The following CAST variants were observed in gnomAD, a reference collection of about 807,000 sequenced individuals.
CAST encodes the protein MIR583 host.
CAST carries 76 observed loss-of-function variants against 119.6 expected under a neutral mutation model. That is an observed-to-expected ratio of 0.64 (90% CI 0.53 to 0.77). CAST has a LOEUF of 0.77. Ranked by LOEUF, CAST falls within the 30% of genes least tolerant of loss-of-function variation. The pLI, the probability that CAST is intolerant of heterozygous loss-of-function variation, is 0.00. For missense variants in CAST, 953 were observed against 946.5 expected (o/e 1.01, Z -0.09); for synonymous variants, 319 against 331.6 (o/e 0.96, Z 0.41).
chr5:96,068,475 C>G, the CAST span, among the ~76,000 whole-genome samples: 3 of 152,012 alleles, frequency 2.0e-5, no homozygotes, highest in East Asian at 5.8e-4. Flanking sequence ...ATATTCCCTT[C>G]CAGCTCCATC....
At chr5:95,974,936 C>G in the CAST span, among the ~76,000 whole-genome samples, 6 of 152,228 alleles carry the variant, frequency 3.9e-5, no homozygotes, top group Admixed American at 2.0e-4. Context: ...CAATTTTCAG[C>G]AGTTGCACAT....
the CAST span, among the ~76,000 whole-genome samples, chr5:96,226,299 C>G: frequency 6.6e-6 from 1 of 152,096 alleles, no homozygotes; most frequent in Non-Finnish European, 1.5e-5. Flanking sequence ...TACCAATGAA[C>G]AGTAGGAACT....
At chr5:95,981,602 G>A in the CAST span, among the ~76,000 whole-genome samples, 5 of 152,188 alleles carry the variant, frequency 3.3e-5, no homozygotes, top group African/African-American at 1.2e-4. Context: ...GTGGCCCAGC[G>A]CAGTGGCTCA....
At chr5:96,271,008 AATG>A in the CAST span, among the ~76,000 whole-genome samples, 47,782 of 151,832 alleles carry the variant, frequency 0.31, 7,796 homozygotes, top group Admixed American at 0.41. Flanking sequence ...ATTTAAAAAA[AATG>A]AAGAAAGCAA....
chr5:96,662,325 C>CG, upstream of CAST: 1 of 711,424 alleles, frequency 1.4e-6, no homozygotes, highest in Non-Finnish European at 2.0e-6. Flanking sequence ...CCTCCGCTCC[C>CG]TCCCTCCCTC....
intron 1 of CAST, among the ~76,000 whole-genome samples, chr5:96,611,170 C>A (rs1356537099): frequency 6.6e-6 from 1 of 151,966 alleles, no homozygotes; most frequent in Non-Finnish European, 1.5e-5. Context: ...CATATGGAAC[C>A]AACAGAGTCA....
the CAST span, among the ~76,000 whole-genome samples, chr5:96,073,986 CTATT>C: frequency 6.6e-6 from 1 of 152,172 alleles, no homozygotes; most frequent in African/African-American, 2.4e-5. Flanking sequence ...TGCTGTGAAA[CTATT>C]CATCAAGGTT....
chr5:96,465,311 T>C, the CAST span, among the ~76,000 whole-genome samples: 1 of 152,052 alleles, frequency 6.6e-6, no homozygotes, highest in South Asian at 2.1e-4. Flanking sequence ...CTGTGGATTC[T>C]TTAGATTTTT....
the CAST span, among the ~76,000 whole-genome samples, chr5:96,244,733 C>T: frequency 3.9e-5 from 6 of 152,290 alleles, no homozygotes; most frequent in South Asian, 1.2e-3. Context: ...AACACATTTT[C>T]ATTTTCTTAA....
the CAST span, among the ~76,000 whole-genome samples, chr5:96,253,602 T>C: frequency 3.3e-5 from 5 of 152,218 alleles, no homozygotes; most frequent in African/African-American, 9.6e-5. Flanking sequence ...TGACAAAGTG[T>C]AATGAAGACT....
the CAST span, among the ~76,000 whole-genome samples, chr5:96,434,898 G>A: frequency 6.6e-6 from 1 of 152,206 alleles, no homozygotes; most frequent in Admixed American, 6.5e-5. Context: ...ATGTTAATAA[G>A]CCATGTGACA....
At chr5:96,409,985 A>G in the CAST span, among the ~76,000 whole-genome samples, 1 of 152,166 alleles carries the variant, frequency 6.6e-6, no homozygotes, top group Non-Finnish European at 1.5e-5. Context: ...CCCACCCTCT[A>G]ATTAGATCAT....
chr5:96,360,279 C>A, the CAST span, among the ~76,000 whole-genome samples: 22 of 152,004 alleles, frequency 1.4e-4, no homozygotes, highest in Non-Finnish European at 2.6e-4. Flanking sequence ...TGGGTTAGAA[C>A]ATGCTCCTTT....
At chr5:96,219,705 G>C in the CAST span, among the ~76,000 whole-genome samples, 1 of 151,568 alleles carries the variant, frequency 6.6e-6, no homozygotes, top group Non-Finnish European at 1.5e-5. Context: ...AGGAAGGAAA[G>C]GAGGGAGGGA....
intron 3 of CAST, among the ~76,000 whole-genome samples, chr5:96,704,158 G>A (rs1264759028): frequency 6.6e-6 from 1 of 152,226 alleles, no homozygotes; most frequent in East Asian, 1.9e-4. Flanking sequence ...GACTCCTGGT[G>A]TCTATTACGA....
At chr5:96,626,605 G>A (rs1367909072) in intron 1 of CAST, among the ~76,000 whole-genome samples, 2 of 152,124 alleles carry the variant, frequency 1.3e-5, no homozygotes, top group Non-Finnish European at 2.9e-5. Context: ...TTATTGTCAG[G>A]GTCAGAGCCC....
the CAST span, among the ~76,000 whole-genome samples, chr5:96,404,421 G>A: frequency 6.6e-6 from 1 of 152,154 alleles, no homozygotes; most frequent in Non-Finnish European, 1.5e-5. Context: ...ATATATGCTG[G>A]TACTTGAGAA....
At chr5:96,133,408 C>T in the CAST span, among the ~76,000 whole-genome samples, 1 of 152,074 alleles carries the variant, frequency 6.6e-6, no homozygotes, top group Non-Finnish European at 1.5e-5. Flanking sequence ...GGAAGGAGTG[C>T]TGGAACAAAA....
chr5:96,488,816 T>C, the CAST span, among the ~76,000 whole-genome samples: 104 of 152,284 alleles, frequency 6.8e-4, no homozygotes, highest in Non-Finnish European at 1.0e-4. Context: ...GTAAATTTAC[T>C]CAGAAAATTA....
Sources: allele counts gnomAD v4.1 joint callset (sites outside exome capture counted in the v4.1 genomes callset), GRCh38; gene constraint gnomAD v4.1.1; transcripts MANE v1.5; gene names NCBI Gene and HGNC (gene_info 2026-07-23, HGNC 2026-07-21).